TCERG1: variants seen among roughly 807,000 people sequenced by gnomAD.
TCERG1 encodes the protein transcription elongation regulator 1.
TCERG1 carries 37 observed loss-of-function variants against 144.7 expected under a neutral mutation model. The ratio of observed to expected loss-of-function variants is 0.26; its 90% CI spans 0.20 to 0.34. The LOEUF is 0.34. Among genes scored for constraint, TCERG1 ranks in the 10% least tolerant of loss-of-function variants. The pLI, the probability that TCERG1 is intolerant of heterozygous loss-of-function variation, is 1.00. For missense variants in TCERG1, 1,027 were observed against 1,380.7 expected, an observed-to-expected ratio of 0.74 and a Z score of 4.06; for synonymous variants, 492 against 458.2, an observed-to-expected ratio of 1.07 and a Z score of -0.94.
At chr5:146,474,226 T>C (rs2150440552) in intron 9 of TCERG1, among the ~76,000 whole-genome samples, 1 of 152,234 alleles carries the variant, frequency 6.6e-6, no homozygotes, top group South Asian at 2.1e-4. Flanking sequence ...CCAACTCTCA[T>C]GGATGATTTT....
At chr5:146,460,046 A>C (rs1307370490) in intron 4 of TCERG1, among the ~76,000 whole-genome samples, 1 of 152,052 alleles carries the variant, frequency 6.6e-6, no homozygotes, top group Non-Finnish European at 1.5e-5. Context: ...GTGGTGATGA[A>C]ATAAGGGAGG....
chr5:146,478,471 G>T, intron 9 of TCERG1, 22 bp from the exon 10 acceptor site: 1 of 1,558,760 alleles, frequency 6.4e-7, no homozygotes, highest in Non-Finnish European at 8.6e-7. Context: ...ATAAGAGAAT[G>T]ATATTTTGCA....
intron 9 of TCERG1, among the ~76,000 whole-genome samples, chr5:146,477,244 A>G (rs554546876): frequency 6.7e-6 from 1 of 149,800 alleles, no homozygotes; most frequent in South Asian, 2.1e-4. Flanking sequence ...GTTTTTCTTT[A>G]TCTCAGGGAG....
At chr5:146,470,577 A>G in intron 7 of TCERG1, 59 bp from the exon 8 acceptor site, 6 of 1,410,198 alleles carry the variant, frequency 4.3e-6, no homozygotes, top group Non-Finnish European at 5.9e-6. Flanking sequence ...TATTCTCTGA[A>G]AGTTCTTAGA....
intron 21 of TCERG1, 109 bp downstream of exon 21, chr5:146,508,065 A>G: frequency 1.6e-6 from 1 of 634,590 alleles, no homozygotes; most frequent in Non-Finnish European, 2.6e-6. Flanking sequence ...TAAGTGAATT[A>G]CTTTTAAGTG....
chr5:146,468,294 C>A, intron 5 of TCERG1, 47 bp from the exon 6 acceptor site: 2 of 1,442,622 alleles, frequency 1.4e-6, no homozygotes, highest in African/African-American at 1.4e-5. Context: ...TGGTAGCCGA[C>A]ATACAATGGC....
chr5:146,472,700 T>TG (rs1764441078), intron 9 of TCERG1, among the ~76,000 whole-genome samples: 4 of 92,180 alleles, frequency 4.3e-5, no homozygotes, highest in Admixed American at 2.6e-4. Flanking sequence ...TACCTCTCAC[T>TG]TTGTGTGTGT....
intron 3 of TCERG1, 60 bp from the exon 4 acceptor site, chr5:146,458,824 C>T: frequency 6.5e-7 from 1 of 1,541,294 alleles, no homozygotes; most frequent in Non-Finnish European, 8.7e-7. Flanking sequence ...TGGTTCCATT[C>T]TTGTTTTTAA....
At chr5:146,473,874 T>C (rs1416202695) in intron 9 of TCERG1, among the ~76,000 whole-genome samples, 2 of 152,170 alleles carry the variant, frequency 1.3e-5, no homozygotes, top group Non-Finnish European at 2.9e-5. Context: ...GTGATGGAAA[T>C]GTACAAGGAG....
At chr5:146,483,671 C>A in intron 15 of TCERG1, 42 bp downstream of exon 15, 1 of 1,465,920 alleles carries the variant, frequency 6.8e-7, no homozygotes, top group Non-Finnish European at 9.3e-7. Context: ...ATATCTCTTG[C>A]CAACATAGTT....
intron 16 of TCERG1, among the ~76,000 whole-genome samples, chr5:146,495,744 T>G (rs568539726): frequency 7.1e-6 from 1 of 141,402 alleles, no homozygotes; most frequent in East Asian, 2.2e-4. Context: ...ATAATCTTTG[T>G]TTTAACACAA....
chr5:146,491,678 G>T (rs1360287166), intron 15 of TCERG1, among the ~76,000 whole-genome samples: 1 of 152,228 alleles, frequency 6.6e-6, no homozygotes, highest in South Asian at 2.1e-4. Context: ...AGTTTGGTTT[G>T]CCTTATTCCC....
chr5:146,487,473 AAGGT>A (rs1765952523), intron 15 of TCERG1, among the ~76,000 whole-genome samples: 1 of 152,118 alleles, frequency 6.6e-6, no homozygotes, highest in Non-Finnish European at 1.5e-5. Flanking sequence ...CTGGATAGGC[AAGGT>A]GGCTCACGCC....
chr5:146,509,115 T>C, intron 21 of TCERG1, 30 bp from the exon 22 acceptor site: 1 of 1,395,616 alleles, frequency 7.2e-7, no homozygotes, highest in Non-Finnish European at 9.9e-7. Flanking sequence ...TTTATTTCCA[T>C]AATCTCAACT....
chr5:146,492,674 G>T (rs569765891), intron 15 of TCERG1, among the ~76,000 whole-genome samples: 1 of 152,010 alleles, frequency 6.6e-6, no homozygotes, highest in South Asian at 2.1e-4. Context: ...TTATAATCGG[G>T]AAAAAAATTA....
intron 9 of TCERG1, 46 bp from the exon 10 acceptor site, chr5:146,478,447 A>G (rs4705359): frequency 0.12 from 176,538 of 1,504,322 alleles, 11,702 homozygotes; most frequent in Non-Finnish European, 0.14. Flanking sequence ...TAGCTGTAAA[A>G]TATGTTCTGT....
In TCERG1 at chr5:146,459,113, C is replaced by G; in HGVS notation, c.668C>G (p.Ala223Gly). 1 of 1,596,670 alleles carries G rather than the reference C, an allele frequency of 6.3e-7. No homozygotes were observed. Among genetic ancestry groups the G allele is most frequent in the Non-Finnish European group, 8.6e-7 (1 of 1,166,654 alleles). ...AQAQAQAQAQ[A>G]QAQAQAQAQA... is the part of the protein sequence containing the mutation. ...GCCCAGGCCCAGGCCCAGGCCCAAG[C>G]CCAAGCCCAGGCCCAGGCTCAGGCT... The change falls in exon 4 of 23, where the codon GCC (alanine) becomes GGC (glycine). Residue 223 changes from alanine (A) to glycine (G), a missense_variant. Around this residue, in one of 6 missense-constraint regions of TCERG1, gnomAD observed 187 missense variants for 169.1 expected, o/e 1.11. Coordinates refer to ENST00000679501, the MANE Select transcript of TCERG1 (RefSeq NM_001382548.1).
chr5:146,448,143 C>G (rs540741105), intron 1 of TCERG1, among the ~76,000 whole-genome samples: 121 of 152,304 alleles, frequency 7.9e-4, no homozygotes, highest in African/African-American at 2.7e-3. Context: ...TCAGTTGTTA[C>G]TCGCCCATCT....
At chr5:146,498,770 T>C (rs1581556481) in intron 17 of TCERG1, 84 bp downstream of exon 17, 1 of 1,406,602 alleles carries the variant, frequency 7.1e-7, no homozygotes, top group Non-Finnish European at 9.4e-7. Context: ...TCTAACCTTA[T>C]TCATTGGCAT....
Sources: allele counts gnomAD v4.1 joint callset (sites outside exome capture counted in the v4.1 genomes callset), GRCh38; gene constraint gnomAD v4.1.1; regional missense constraint gnomAD v4.1.1; transcripts MANE v1.5; gene names NCBI Gene and HGNC (gene_info 2026-07-23, HGNC 2026-07-21).